Variants in RAPGEF5 observed in about 807,000 individuals in gnomAD.
RAPGEF5 encodes the protein Rap guanine nucleotide exchange factor 5, also known as M-Ras-regulated GEF.
In RAPGEF5, 65 loss-of-function variants were observed where a neutral mutation model predicts 125.2. The ratio of observed to expected loss-of-function variants is 0.52; its 90% CI spans 0.43 to 0.64. The LOEUF (loss-of-function observed/expected upper bound fraction) is 0.64, where lower values mean the gene tolerates loss of function less well. Among genes scored for constraint, RAPGEF5 ranks in the 30% least tolerant of loss-of-function variants. The probability of loss-of-function intolerance (pLI) is 0.00; values close to 1 mark genes in which losing one functional copy is unlikely to be tolerated. For missense variants in RAPGEF5, 958 were observed against 1,048.1 expected, an observed-to-expected ratio of 0.91 and a Z score of 1.19; for synonymous variants, 391 against 385.9, an observed-to-expected ratio of 1.01 and a Z score of -0.16.
chr7:22,131,098 A>G lies in RAPGEF5; in HGVS notation c.2420T>C (p.Val807Ala). ...TTTATTTCCTTCATGAATAAATGTT[A>G]CATCTGAAAATTAAAAACAAAAAGA... ...IPFMPLLLKDVTFIHEGNKTF... is the reference protein window; with the variant it reads ...IPFMPLLLKDATFIHEGNKTF... The change falls in exon 24 of 26, where the codon GTA becomes GCA. Residue 807 changes from valine (V) to alanine (A), a missense_variant. Coordinates refer to ENST00000665637, the MANE Select transcript of RAPGEF5 (RefSeq NM_012294.5). 1 of 1,528,950 alleles carries G rather than the reference A, an allele frequency of 6.5e-7. No individual in the cohort carries two copies. The highest frequency in any genetic ancestry group is 8.8e-7 in the Non-Finnish European group (1 of 1,138,694). 94.7% of individuals were successfully genotyped at this position (1,528,950 alleles called of 1,614,324 possible).
chr7:22,273,934 A>G (rs1011863850), intron 6 of RAPGEF5, among the ~76,000 whole-genome samples: 1 of 152,194 alleles, frequency 6.6e-6, no homozygotes, highest in African/African-American at 2.4e-5. Flanking sequence ...CAGGAGAATG[A>G]CCAGGAGATA....
chr7:22,270,170 T>C (rs1309172098), intron 6 of RAPGEF5, among the ~76,000 whole-genome samples: 1 of 152,234 alleles, frequency 6.6e-6, no homozygotes, highest in Non-Finnish European at 1.5e-5. Flanking sequence ...CTACAGGTAG[T>C]GTTGGCTCCA....
chr7:22,168,293 T>C (rs1784236455), intron 11 of RAPGEF5, among the ~76,000 whole-genome samples: 1 of 152,156 alleles, frequency 6.6e-6, no homozygotes, highest in Admixed American at 6.5e-5. Context: ...GAAAGCTCCT[T>C]TCATCTCTCT....
intron 9 of RAPGEF5, among the ~76,000 whole-genome samples, chr7:22,207,223 G>A (rs890119455): frequency 3.9e-5 from 6 of 152,200 alleles, no homozygotes; most frequent in African/African-American, 1.2e-4. Flanking sequence ...GTAAAAACTA[G>A]CACAAGCTTT....
chr7:22,301,600 GT>G (rs1260111014), intron 5 of RAPGEF5, among the ~76,000 whole-genome samples: 5 of 130,360 alleles, frequency 3.8e-5, no homozygotes, highest in Non-Finnish European at 7.8e-5. Flanking sequence ...GGGTGGCAGA[GT>G]GAGACTCTGT....
chr7:22,158,499 A>T (rs1197710666), intron 14 of RAPGEF5, among the ~76,000 whole-genome samples: 1 of 152,216 alleles, frequency 6.6e-6, no homozygotes, highest in Non-Finnish European at 1.5e-5. Flanking sequence ...TCTTGCTCTC[A>T]GAAAGAAACA....
intron 1 of RAPGEF5, among the ~76,000 whole-genome samples, chr7:22,322,547 A>T (rs1783736768): frequency 6.6e-6 from 1 of 152,196 alleles, no homozygotes; most frequent in African/African-American, 2.4e-5. Context: ...AACTAGACTT[A>T]AAAAGGTTAA....
chr7:22,307,374 T>G (rs147139218), intron 5 of RAPGEF5, among the ~76,000 whole-genome samples: 3 of 152,158 alleles, frequency 2.0e-5, no homozygotes, highest in South Asian at 2.1e-4. Flanking sequence ...TTTTTTCTAT[T>G]TCTTCAGTGC....
chr7:22,156,180 A>C (rs1381263319), intron 16 of RAPGEF5, among the ~76,000 whole-genome samples: 1 of 152,252 alleles, frequency 6.6e-6, no homozygotes, highest in East Asian at 1.9e-4. Context: ...AGAGTCTGTG[A>C]GTTATAATTG....
At chr7:22,316,375 A>ATAGG (rs1163563154) in intron 2 of RAPGEF5, among the ~76,000 whole-genome samples, 1 of 149,350 alleles carries the variant, frequency 6.7e-6, no homozygotes, top group Admixed American at 6.7e-5. Flanking sequence ...AGATAGATAG[A>ATAGG]TAGATAGATT....
rs1166758923 is a variant in RAPGEF5, at chr7:22,356,980, C to T, written c.81G>A (p.Ala27=). 7 of 1,026,916 alleles carry T rather than the reference C, an allele frequency of 6.8e-6. No homozygotes were observed. Among genetic ancestry groups the T allele is most frequent in the Non-Finnish European group, 8.1e-6 (7 of 859,212 alleles). The allele number at this position is 1,026,916 out of a possible 1,614,324, so 63.6% of individuals were successfully genotyped here. ...GGCTGCGGCGCAGGGGGCCGTCTGCCGCCACCACCGCCGCCGCGGCGGCCA... is the reference window on the plus strand; with the variant it reads ...GGCTGCGGCGCAGGGGGCCGTCTGCTGCCACCACCGCCGCCGCGGCGGCCA... ...PALAAAAAVV[A]ADGPLRRSPS... is the part of the protein sequence containing the mutation. Residue 27 remains alanine, a synonymous_variant, in exon 1 of 26, where the codon GCG becomes GCA. Coordinates refer to ENST00000665637, the MANE Select transcript of RAPGEF5 (RefSeq NM_012294.5).
chr7:22,166,371 A>C (rs1284484322), intron 12 of RAPGEF5, among the ~76,000 whole-genome samples: 1 of 152,206 alleles, frequency 6.6e-6, no homozygotes, highest in Non-Finnish European at 1.5e-5. Flanking sequence ...AATGCGTCTG[A>C]ATACATTAAA....
intron 9 of RAPGEF5, among the ~76,000 whole-genome samples, chr7:22,197,897 G>GGC (rs1554327491): frequency 3.4e-5 from 5 of 145,990 alleles, no homozygotes; most frequent in Non-Finnish European, 7.6e-5. Context: ...TTTTTTTGGG[G>GGC]GGGGGTGGTA....
At chr7:22,155,479 G>A (rs759098733) in intron 16 of RAPGEF5, among the ~76,000 whole-genome samples, 1 of 152,056 alleles carries the variant, frequency 6.6e-6, no homozygotes, top group Admixed American at 6.6e-5. Flanking sequence ...CTACTCTTTG[G>A]TGTTGCAAAA....
chr7:22,157,776 T>C, intron 15 of RAPGEF5, 79 bp downstream of exon 15: 11 of 1,466,270 alleles, frequency 7.5e-6, no homozygotes. Context: ...TTCATTTTAA[T>C]TATGAAACAC....
Position 22,321,510 on chromosome 7 carries a change from ACTCAGTTAAAG to A in RAPGEF5, c.232-3484_232-3474del, listed in dbSNP as rs544911189. Among the ~76,000 whole-genome samples the A allele has an allele frequency of 7.1e-3, 1,086 of 152,288 alleles. 14 individuals are homozygous for A. The highest frequency in any genetic ancestry group is 7.6e-3 in the Non-Finnish European group (514 of 68,022). ...GGAGATGCCTTAATACTATCCTTAG[ACTCAGTTAAAG>A]TACTTAGGCTACTAAGGGGTGAGAG... On this transcript the variant is annotated intron_variant, in intron 1 of 25. Transcript: ENST00000665637.
At chr7:22,216,625 A>T (rs1785645307) in intron 9 of RAPGEF5, among the ~76,000 whole-genome samples, 1 of 152,198 alleles carries the variant, frequency 6.6e-6, no homozygotes, top group African/African-American at 2.4e-5. Flanking sequence ...AAGAACCAAC[A>T]ACTCAATGTT....
At chr7:22,192,324 C>G (rs1305337625) in intron 11 of RAPGEF5, 1 of 152,254 alleles carries the variant, frequency 6.6e-6, no homozygotes, top group Middle Eastern at 3.2e-3. Flanking sequence ...CATTTTGATA[C>G]TGTTTTTTTG....
rs572703529 is a variant in RAPGEF5 at position 22,249,186 on chromosome 7, C to T, written c.796+17778G>A. Among the ~76,000 whole-genome samples, 16 of 152,046 alleles carry T rather than the reference C, an allele frequency of 1.1e-4. No homozygotes were observed. The South Asian group carries it at 3.1e-3, about 30-fold the overall frequency. ...TGGAGCCAGGCTTAAAGTTATTTACCCTTTTTGTTTTGTTTTGTTTTTTAA... is the reference window on the plus strand; with the variant it reads ...TGGAGCCAGGCTTAAAGTTATTTACTCTTTTTGTTTTGTTTTGTTTTTTAA... On this transcript the variant is annotated intron_variant, in intron 7 of 25. Transcript: ENST00000665637.
Sources: gnomAD v4.1 joint callset for allele counts (sites outside exome capture counted in the v4.1 genomes callset) on GRCh38, gnomAD v4.1.1 for gene constraint, MANE v1.5 for transcripts, NCBI Gene and HGNC (gene_info 2026-07-23, HGNC 2026-07-21) for gene names.